RPA2: variants seen among roughly 807,000 people sequenced by gnomAD.
RPA2 encodes the protein replication protein A 32 kDa subunit.
Under a neutral mutation model 33.4 loss-of-function variants are expected in RPA2, and 22 were observed. That is an observed-to-expected ratio of 0.66 (90% confidence interval 0.47 to 0.94). The LOEUF (loss-of-function observed/expected upper bound fraction) is 0.94, where lower values mean the gene tolerates loss of function less well. RPA2 is among the 40% of genes least tolerant of loss of function. The pLI is 0.00. For missense variants in RPA2, 279 were observed against 329.9 expected (o/e 0.85, Z 1.19); for synonymous variants, 109 against 114.9 (o/e 0.95, Z 0.33).
intron 6 of RPA2, among the ~76,000 whole-genome samples, chr1:27,894,792 C>T (rs534529014): frequency 3.2e-4 from 48 of 152,224 alleles, no homozygotes; most frequent in Non-Finnish European, 4.3e-4. Context: ...CAGTCCCTAT[C>T]GTCCTCTCTT....
chr1:27,891,605 C>T lies in RPA2; in HGVS notation c.*558G>A, dbSNP rs2089823798. 6.6e-6 allele frequency: 1 copy of T among 152,542 alleles called. No homozygotes were observed. The allele number at this position is 152,542 out of a possible 1,614,324, so 9.4% of individuals were successfully genotyped here. A position where few individuals can be genotyped will look rare whatever the true frequency, so the allele number is the denominator to read the frequency against. ...TGTACAAAATGCAGTAACACTTCTT[C>T]TTTTCCTCTGCCCCTGGAGGCACTA... On this transcript the variant is annotated 3_prime_UTR_variant, in exon 9 of 9. Transcript: ENST00000373912.
At chr1:27,896,245 G>A (rs1246776801) in intron 6 of RPA2, among the ~76,000 whole-genome samples, 1 of 152,070 alleles carries the variant, frequency 6.6e-6, no homozygotes, top group African/African-American at 2.4e-5. Flanking sequence ...CCAGGCTGCA[G>A]TGAGTGGCAC....
In RPA2 at chr1:27,894,746, T is replaced by C. The variant is rs3766397; in HGVS notation, c.526-349A>G. Reference sequence around the variant, plus strand: ...CATTCAAGCATTCACTGAGTGTCAATAGGCATGAAGCACCACAGGCAGAGA... The same window carrying C: ...CATTCAAGCATTCACTGAGTGTCAACAGGCATGAAGCACCACAGGCAGAGA... On this transcript the variant is annotated intron_variant, in intron 6 of 8. Transcript: ENST00000373912. Among the ~76,000 whole-genome samples the C allele has an allele frequency of 4.1e-4, 62 of 152,314 alleles. No homozygotes were observed. In the East Asian group the frequency reaches 0.011, roughly 26 times the overall value.
chr1:27,907,412 T>C, intron 2 of RPA2, 130 bp from the exon 3 acceptor site: 1 of 784,616 alleles, frequency 1.3e-6, no homozygotes, highest in Non-Finnish European at 2.0e-6. Flanking sequence ...TTATCCTTGC[T>C]TCAGAGAGAT....
At chr1:27,911,440 C>T (rs1350680589) in intron 2 of RPA2, among the ~76,000 whole-genome samples, 5 of 152,102 alleles carry the variant, frequency 3.3e-5, no homozygotes, top group Non-Finnish European at 7.4e-5. Context: ...TATCTTAATA[C>T]CCAGCTTTTA....
intron 8 of RPA2, among the ~76,000 whole-genome samples, 178 bp from the exon 9 acceptor site, chr1:27,892,425 CA>C (rs1157739164): frequency 6.6e-6 from 1 of 152,160 alleles, no homozygotes; most frequent in Admixed American, 6.5e-5. Context: ...AGTAAAATAG[CA>C]AAACAGAGCT....
In RPA2 at chr1:27,896,988, A is replaced by G; in HGVS notation, c.525+17T>C. 1 of 1,565,382 alleles carries G rather than the reference A, an allele frequency of 6.4e-7. No individual in the cohort carries two copies. Among genetic ancestry groups the G allele is most frequent in the Non-Finnish European group, 8.7e-7 (1 of 1,146,832 alleles). On this transcript the variant is annotated intron_variant, in intron 6 of 8. Transcript: ENST00000373912. ...CTTCCAGGGAAGAGAAAAAGCTAGG[A>G]AAGCGAGACTACTCACCTGGCTGTT...
chr1:27,903,855 G>A (rs2089996321), intron 4 of RPA2, among the ~76,000 whole-genome samples: 1 of 118,798 alleles, frequency 8.4e-6, no homozygotes, highest in South Asian at 2.8e-4. Context: ...CCAAGACCCT[G>A]TCTCTATTTA....
chr1:27,903,693 C>T (rs140720755), intron 4 of RPA2, among the ~76,000 whole-genome samples: 2,022 of 146,692 alleles, frequency 0.014, 42 homozygotes, highest in African/African-American at 0.047. Flanking sequence ...CACTCCAGCC[C>T]GGATAACACG....
chr1:27,902,767 A>G (rs1454229208), intron 4 of RPA2, among the ~76,000 whole-genome samples: 2 of 151,876 alleles, frequency 1.3e-5, no homozygotes, highest in African/African-American at 4.9e-5. Flanking sequence ...CTTAAAAAAA[A>G]AAATGTTAAG....
intron 6 of RPA2, among the ~76,000 whole-genome samples, chr1:27,895,648 G>C (rs1476367212): frequency 1.4e-5 from 2 of 147,844 alleles, no homozygotes; most frequent in East Asian, 4.1e-4. Flanking sequence ...GGAGAATGGC[G>C]TGAACCCGGG....
intron 4 of RPA2, among the ~76,000 whole-genome samples, chr1:27,902,282 T>A (rs959358663): frequency 7.3e-6 from 1 of 137,196 alleles, no homozygotes; most frequent in Admixed American, 7.6e-5. Context: ...TATTTTTACG[T>A]ATACTTTTTT....
chr1:27,898,907 TA>T (rs983996352), intron 4 of RPA2, among the ~76,000 whole-genome samples: 1 of 151,916 alleles, frequency 6.6e-6, no homozygotes, highest in African/African-American at 2.4e-5. Context: ...TGTATTACTT[TA>T]AAAAAAATTG....
upstream of RPA2, chr1:27,914,698 A>G: frequency 6.2e-7 from 1 of 1,610,142 alleles, no homozygotes. Context: ...AGTTGGCTCC[A>G]AAAGCCTCCG....
At chr1:27,909,244 A>G (rs2090068378) in intron 2 of RPA2, among the ~76,000 whole-genome samples, 1 of 152,206 alleles carries the variant, frequency 6.6e-6, no homozygotes, top group African/African-American at 2.4e-5. Context: ...TCATGGATTT[A>G]GCAGTCGCAA....
Position 27,909,335 on chromosome 1 carries a change from G to A in RPA2, c.118-2053C>T, listed in dbSNP as rs17162885. 9.0e-3 allele frequency among the ~76,000 whole-genome samples: 1,368 copies of A among 152,232 alleles called. 18 individuals carry two copies. The highest frequency in any genetic ancestry group is 0.031 in the African/African-American group (1,308 of 41,528). On this transcript the variant is annotated intron_variant, in intron 2 of 8. Coordinates refer to ENST00000373912, the MANE Select transcript of RPA2 (RefSeq NM_002946.5). ...GTGAATGGTGAGTATTGCCACAACA[G>A]GATAAAGCAAGCTCAGTCAACCGCT... is the stretch of plus-strand genomic sequence containing the variant.
intron 4 of RPA2, among the ~76,000 whole-genome samples, chr1:27,898,513 C>T (rs2089920051): frequency 6.6e-6 from 1 of 151,088 alleles, no homozygotes; most frequent in Non-Finnish European, 1.5e-5. Flanking sequence ...AGAATATGCA[C>T]ACATTATTTA....
chr1:27,894,162 G>T, intron 7 of RPA2, 56 bp from the exon 8 acceptor site: 1 of 1,536,416 alleles, frequency 6.5e-7, no homozygotes, highest in Non-Finnish European at 9.0e-7. Flanking sequence ...CCTCCCCTTT[G>T]CAAACCTGAG....
chr1:27,909,201 TG>T (rs1285038248), intron 2 of RPA2, among the ~76,000 whole-genome samples: 6 of 152,218 alleles, frequency 3.9e-5, no homozygotes, highest in Non-Finnish European at 8.8e-5. Flanking sequence ...CTGTACTACA[TG>T]GAAGACTTAG....
Sources: gnomAD v4.1 joint callset for allele counts (sites outside exome capture counted in the v4.1 genomes callset) on GRCh38, gnomAD v4.1.1 for gene constraint, MANE v1.5 for transcripts, NCBI Gene and HGNC (gene_info 2026-07-23, HGNC 2026-07-21) for gene names.